PXDNL: variants seen among roughly 807,000 people sequenced by gnomAD.
PXDNL encodes the protein probable oxidoreductase PXDNL.
A neutral mutation model predicts 150.8 loss-of-function variants in PXDNL; 145 were observed. That is an observed-to-expected ratio of 0.96 (90% CI 0.84 to 1.10). The LOEUF (loss-of-function observed/expected upper bound fraction) is 1.10, where lower values mean the gene tolerates loss of function less well. PXDNL is among the 50% of genes least tolerant of loss of function. The pLI, the probability that PXDNL is intolerant of heterozygous loss-of-function variation, is 0.00. For missense variants in PXDNL, 2,087 were observed against 1,873.9 expected, an observed-to-expected ratio of 1.11 and a Z score of -2.10; for synonymous variants, 757 against 725.7, an observed-to-expected ratio of 1.04 and a Z score of -0.69.
chr8:51,486,102 T>C (rs1810727553), intron 5 of PXDNL, among the ~76,000 whole-genome samples: 1 of 152,210 alleles, frequency 6.6e-6, no homozygotes. Context: ...CTGTTGTTCT[T>C]TCTTTAAACG....
intron 4 of PXDNL, among the ~76,000 whole-genome samples, chr8:51,527,869 C>T (rs148012264): frequency 7.9e-5 from 12 of 152,278 alleles, no homozygotes; most frequent in Middle Eastern, 3.4e-3. Context: ...GAAAAGGAAG[C>T]TTGCTTGGAG....
chr8:51,356,496 A>AT lies in PXDNL; in HGVS notation c.3902-10550dup, dbSNP rs1233769139. 3.2e-4 allele frequency among the ~76,000 whole-genome samples: 31 copies of AT among 97,736 alleles called. 1 individual carries two copies. The Admixed American group carries it at 3.3e-3, about 10-fold the overall frequency. The allele number at this position is 97,736 out of a possible 152,430, so 64.1% of individuals were successfully genotyped here. A position where few individuals can be genotyped will look rare whatever the true frequency, so the allele number is the denominator to read the frequency against. On this transcript the variant is annotated intron_variant, in intron 19 of 22. Coordinates refer to ENST00000356297, the MANE Select transcript of PXDNL (RefSeq NM_144651.5). ...AGTGAAACTCCATCTCAAAAAAAGA[A>AT]TAAAAAAAAAAAAAAGAAAATCCGT...
At chr8:51,658,689 G>T (rs1318431218) in intron 1 of PXDNL, among the ~76,000 whole-genome samples, 1 of 152,146 alleles carries the variant, frequency 6.6e-6, no homozygotes, top group Non-Finnish European at 1.5e-5. Context: ...ACCAAATTTG[G>T]ATAATGATAC....
intron 1 of PXDNL, among the ~76,000 whole-genome samples, chr8:51,758,267 T>C (rs765554986): frequency 6.6e-6 from 1 of 152,190 alleles, no homozygotes; most frequent in Non-Finnish European, 1.5e-5. Context: ...TGTAAGAATA[T>C]TGTGAATTTA....
intron 2 of PXDNL, among the ~76,000 whole-genome samples, chr8:51,632,785 A>T (rs997021657): frequency 6.6e-6 from 1 of 152,232 alleles, no homozygotes; most frequent in East Asian, 1.9e-4. Flanking sequence ...CTAACCAAAT[A>T]GAATGAATTT....
At chr8:51,380,124 A>G (rs1807486399) in intron 17 of PXDNL, among the ~76,000 whole-genome samples, 1 of 60,384 alleles carries the variant, frequency 1.7e-5, no homozygotes, top group Non-Finnish European at 4.2e-5. Context: ...ATAGCTGACG[A>G]GCTAAAAAAA....
chr8:51,355,487 T>C (rs1806479630), intron 19 of PXDNL, among the ~76,000 whole-genome samples: 1 of 152,328 alleles, frequency 6.6e-6, no homozygotes, highest in Non-Finnish European at 1.5e-5. Flanking sequence ...AATTGTTTTA[T>C]TTGAAGGAAG....
chr8:51,518,000 T>A (rs1450730797), intron 4 of PXDNL, among the ~76,000 whole-genome samples: 1 of 152,246 alleles, frequency 6.6e-6, no homozygotes, highest in African/African-American at 2.4e-5. Flanking sequence ...CCTTAATTTA[T>A]CTTCATATAA....
intron 8 of PXDNL, among the ~76,000 whole-genome samples, chr8:51,467,535 T>C (rs1404362829): frequency 6.6e-6 from 1 of 152,068 alleles, no homozygotes; most frequent in Admixed American, 6.5e-5. Context: ...ACTTCTTGGG[T>C]AGTGGTTCTG....
In PXDNL at chr8:51,600,232, C is replaced by T. The variant is rs1005892803; in HGVS notation, c.237-7534G>A. Among the ~76,000 whole-genome samples the T allele has an allele frequency of 8.8e-5, 12 of 135,600 alleles. 1 individual carries two copies. Among genetic ancestry groups the T allele is most frequent in the East Asian group, 2.2e-4 (1 of 4,620 alleles). 89.0% of individuals were successfully genotyped at this position (135,600 alleles called of 152,430 possible). A position where few individuals can be genotyped will look rare whatever the true frequency, so the allele number is the denominator to read the frequency against. On this transcript the variant is annotated intron_variant, in intron 2 of 22. Transcript: ENST00000356297. ...AAATTATATCTCATATAAATTATAT[C>T]GTTTAGATAATAAATTATATCTCAT...
chr8:51,709,449 T>C (rs1385145899), intron 1 of PXDNL, among the ~76,000 whole-genome samples: 8 of 151,916 alleles, frequency 5.3e-5, no homozygotes, highest in Admixed American at 5.2e-4. Context: ...AGAGACAGGG[T>C]TTCACCGTGT....
chr8:51,747,447 C>G (rs1426602660), intron 1 of PXDNL, among the ~76,000 whole-genome samples: 3 of 152,218 alleles, frequency 2.0e-5, no homozygotes, highest in Non-Finnish European at 4.4e-5. Flanking sequence ...CATTTACTCA[C>G]AGTGGAGAAT....
intron 2 of PXDNL, among the ~76,000 whole-genome samples, chr8:51,645,675 C>T (rs1479421470): frequency 3.9e-5 from 6 of 152,178 alleles, no homozygotes; most frequent in South Asian, 2.1e-4. Flanking sequence ...TTTAATATTA[C>T]AGGCCACCTG....
chr8:51,374,448 C>T, intron 18 of PXDNL, 149 bp downstream of exon 18: 2 of 673,182 alleles, frequency 3.0e-6, no homozygotes, highest in South Asian at 5.0e-5. Context: ...TTGGTGGTTA[C>T]AAAAGTTCTG....
intron 17 of PXDNL, among the ~76,000 whole-genome samples, chr8:51,404,913 A>G (rs1808392606): frequency 6.6e-6 from 1 of 152,108 alleles, no homozygotes; most frequent in South Asian, 2.1e-4. Context: ...ACAGGAGCCC[A>G]CGGCAAGGGT....
At chr8:51,428,075 T>C (rs1217248946) in intron 12 of PXDNL, among the ~76,000 whole-genome samples, 3 of 152,166 alleles carry the variant, frequency 2.0e-5, no homozygotes, top group African/African-American at 7.2e-5. Flanking sequence ...TTATATGCAA[T>C]CAACGAACAT....
intron 3 of PXDNL, among the ~76,000 whole-genome samples, chr8:51,567,992 T>A (rs931178511): frequency 2.6e-5 from 4 of 151,808 alleles, no homozygotes; most frequent in Admixed American, 6.6e-5. Context: ...ATCAGCTGAA[T>A]CCATGGATGT....
intron 21 of PXDNL, among the ~76,000 whole-genome samples, chr8:51,323,552 G>T (rs1171457172): frequency 6.6e-6 from 1 of 152,136 alleles, no homozygotes; most frequent in Non-Finnish European, 1.5e-5. Context: ...GCTTCCCAAA[G>T]TGCTGGGATT....
At chr8:51,460,524 G>C (rs1484101400) in intron 8 of PXDNL, among the ~76,000 whole-genome samples, 1 of 147,492 alleles carries the variant, frequency 6.8e-6, no homozygotes, top group African/African-American at 2.5e-5. Context: ...CAGATCTTTT[G>C]AGGGAAAACA....
Sources: allele counts gnomAD v4.1 joint callset (sites outside exome capture counted in the v4.1 genomes callset), GRCh38; gene constraint gnomAD v4.1.1; transcripts MANE v1.5; gene names NCBI Gene and HGNC (gene_info 2026-07-23, HGNC 2026-07-21).